Variants in SPOCK3 observed in about 807,000 individuals in gnomAD.
SPOCK3 encodes SPARC (osteonectin), cwcv and kazal like domains proteoglycan 3, also known as testican-3.
SPOCK3 carries 30 observed loss-of-function variants against 56.6 expected under a neutral mutation model. That is an observed-to-expected ratio of 0.53 (90% CI 0.40 to 0.72). The LOEUF (loss-of-function observed/expected upper bound fraction) is 0.72. Ranked by LOEUF, SPOCK3 falls within the 30% of genes least tolerant of loss-of-function variation. SPOCK3 has a pLI of 0.00. For missense variants in SPOCK3, 527 were observed against 530.0 expected, an observed-to-expected ratio of 0.99 and a Z score of 0.06; for synonymous variants, 196 against 183.3, an observed-to-expected ratio of 1.07 and a Z score of -0.56.
intron 2 of SPOCK3, among the ~76,000 whole-genome samples, chr4:167,200,915 CA>C (rs1733453118): frequency 6.6e-6 from 1 of 152,026 alleles, no homozygotes; most frequent in Non-Finnish European, 1.5e-5. Context: ...ATCTCTTCAG[CA>C]GAAGCCACCC....
At chr4:167,234,311 G>T in intron 1 of SPOCK3, 138 bp from the exon 2 acceptor site, 1 of 810,028 alleles carries the variant, frequency 1.2e-6, no homozygotes, top group Non-Finnish European at 2.0e-6. Context: ...AGGCAAGCGT[G>T]TCCCCTCCCC....
chr4:166,899,083 A>T (rs777332799), intron 5 of SPOCK3, among the ~76,000 whole-genome samples: 4 of 151,878 alleles, frequency 2.6e-5, no homozygotes, highest in African/African-American at 4.8e-5. Context: ...TTTTGGACTC[A>T]CATCTGGGAC....
rs1360753371 is a variant in SPOCK3, at chr4:167,234,153, T to A, written c.21A>T (p.Val7=). 1 of 1,612,972 alleles carries A rather than the reference T, an allele frequency of 6.2e-7. No individual in the cohort carries two copies. Among genetic ancestry groups the A allele is most frequent in the Non-Finnish European group, 8.5e-7 (1 of 1,179,804 alleles). ...ACCAAGCGGCTGCACACACACACAG[T>A]ACGGCTGACACCTTGAGCATCTGGG... The part of the protein sequence containing the change: MLKVSA[V]LCVCAAAWCS... Residue 7 remains valine, a synonymous_variant, in exon 2 of 11, where the codon GTA becomes GTT. Transcript: ENST00000357545.
intron 6 of SPOCK3, among the ~76,000 whole-genome samples, chr4:166,802,161 C>T (rs1257760682): frequency 2.6e-5 from 4 of 151,290 alleles, no homozygotes. Context: ...AATAAGCAAA[C>T]ATTTTCTGCC....
intron 2 of SPOCK3, among the ~76,000 whole-genome samples, chr4:167,202,853 G>C (rs1024305270): frequency 6.6e-6 from 1 of 151,608 alleles, no homozygotes; most frequent in Non-Finnish European, 1.5e-5. Context: ...AGATAAAGGG[G>C]AATACTAAAC....
chr4:167,166,468 A>T (rs979334790), intron 2 of SPOCK3, among the ~76,000 whole-genome samples: 2 of 152,060 alleles, frequency 1.3e-5, no homozygotes, highest in African/African-American at 4.8e-5. Context: ...CTGTACTACA[A>T]TCTATCTCTC....
chr4:166,998,401 C>T (rs1056096091), intron 4 of SPOCK3, among the ~76,000 whole-genome samples: 8 of 152,002 alleles, frequency 5.3e-5, no homozygotes, highest in Non-Finnish European at 1.2e-4. Context: ...TTCTGATAGT[C>T]TTTATCATGT....
intron 2 of SPOCK3, among the ~76,000 whole-genome samples, chr4:167,125,449 C>A (rs1395405394): frequency 1.3e-5 from 2 of 149,498 alleles, no homozygotes; most frequent in Non-Finnish European, 3.0e-5. Context: ...CGCGGTGGCT[C>A]ACGCCTGTAA....
At chr4:166,848,124 G>T (rs1156872898) in intron 6 of SPOCK3, among the ~76,000 whole-genome samples, 1 of 152,130 alleles carries the variant, frequency 6.6e-6, no homozygotes, top group Non-Finnish European at 1.5e-5. Flanking sequence ...CAGTTTTGAA[G>T]CAGTACATTA....
chr4:166,930,414 C>G (rs1370203100), intron 4 of SPOCK3, among the ~76,000 whole-genome samples: 1 of 151,782 alleles, frequency 6.6e-6, no homozygotes, highest in East Asian at 1.9e-4. Flanking sequence ...TCATTATAAG[C>G]AACAAGTGTA....
At chr4:167,085,261 C>A (rs1446815088) in intron 2 of SPOCK3, among the ~76,000 whole-genome samples, 1 of 150,266 alleles carries the variant, frequency 6.7e-6, no homozygotes, top group African/African-American at 2.4e-5. Context: ...CTTTATAGAG[C>A]AGAGAAAAAA....
Position 166,813,196 on chromosome 4 carries a change from T to C in SPOCK3, c.590-20907A>G, listed in dbSNP as rs139486475. On this transcript the variant is annotated intron_variant, in intron 6 of 10. Coordinates refer to ENST00000357545, the MANE Select transcript of SPOCK3 (RefSeq NM_001040159.2). ...ATCCGATCTCATTGTCTCTCCACAA[T>C]TGAGAAGACCACTAATGGCCTGTAG... Among the ~76,000 whole-genome samples the C allele has an allele frequency of 3.2e-3, 484 of 152,208 alleles. 1 individual carries two copies. The highest frequency in any genetic ancestry group is 0.011 in the African/African-American group (467 of 41,560).
chr4:166,989,002 T>A (rs1268296225), intron 4 of SPOCK3, among the ~76,000 whole-genome samples: 1 of 152,034 alleles, frequency 6.6e-6, no homozygotes, highest in Non-Finnish European at 1.5e-5. Context: ...ATTATTCTAG[T>A]TACAAGCAAA....
chr4:166,852,387 G>C (rs532528779), intron 6 of SPOCK3, among the ~76,000 whole-genome samples: 1 of 152,196 alleles, frequency 6.6e-6, no homozygotes, highest in African/African-American at 2.4e-5. Context: ...CTGAGGTGCT[G>C]CCATGATAGG....
chr4:166,902,220 CT>C (rs754686954), intron 5 of SPOCK3, among the ~76,000 whole-genome samples: 7 of 152,068 alleles, frequency 4.6e-5, no homozygotes, highest in Admixed American at 2.6e-4. Flanking sequence ...TGCTGAGATG[CT>C]TTTTGTTGGT....
intron 5 of SPOCK3, among the ~76,000 whole-genome samples, chr4:166,905,029 T>C (rs1353461933): frequency 6.6e-6 from 1 of 152,070 alleles, no homozygotes; most frequent in Non-Finnish European, 1.5e-5. Flanking sequence ...ACCAGCTTTA[T>C]GGCTGACATG....
At chr4:166,948,700 G>A (rs1236981415) in intron 4 of SPOCK3, among the ~76,000 whole-genome samples, 1 of 152,076 alleles carries the variant, frequency 6.6e-6, no homozygotes, top group South Asian at 2.1e-4. Flanking sequence ...TAGAGTTTCT[G>A]CTGAGAGATC....
intron 6 of SPOCK3, among the ~76,000 whole-genome samples, chr4:166,885,878 G>T (rs1734141592): frequency 6.6e-6 from 1 of 152,078 alleles, no homozygotes; most frequent in East Asian, 1.9e-4. Context: ...ATGATCTTTT[G>T]ACTCTAACCA....
intron 6 of SPOCK3, among the ~76,000 whole-genome samples, chr4:166,852,540 A>G (rs538026729): frequency 6.6e-6 from 1 of 152,234 alleles, no homozygotes; most frequent in Non-Finnish European, 1.5e-5. Context: ...TGGTTTCCAT[A>G]AAACAACCAA....
Sources: allele counts gnomAD v4.1 joint callset (sites outside exome capture counted in the v4.1 genomes callset), GRCh38; gene constraint gnomAD v4.1.1; transcripts MANE v1.5; gene names NCBI Gene and HGNC (gene_info 2026-07-23, HGNC 2026-07-21).